DCPH1: variants seen among roughly 807,000 people sequenced by gnomAD.
DCPH1 encodes the protein damage control phosphatase 1.
chr6:151,467,495 C>A, the DCPH1 span, among the ~76,000 whole-genome samples: 1 of 151,954 alleles, frequency 6.6e-6, no homozygotes, highest in Non-Finnish European at 1.5e-5. Flanking sequence ...TTGAGTACTT[C>A]TATATGCCAG....
the DCPH1 span, among the ~76,000 whole-genome samples, chr6:151,453,361 A>G: frequency 1.3e-5 from 2 of 152,378 alleles, no homozygotes; most frequent in South Asian, 4.1e-4. Flanking sequence ...CAATTAAAGT[A>G]AAATCTCAAA....
At chr6:151,468,427 G>T in the DCPH1 span, 2 of 1,608,350 alleles carry the variant, frequency 1.2e-6, no homozygotes, top group Non-Finnish European at 8.5e-7. Flanking sequence ...AAATTCATTG[G>T]AAGACCTAAA....
chr6:151,461,455 G>A, the DCPH1 span, among the ~76,000 whole-genome samples: 2 of 152,154 alleles, frequency 1.3e-5, no homozygotes, highest in Non-Finnish European at 2.9e-5. Context: ...TGGATCTCCC[G>A]AGGTCAGGAG....
At chr6:151,469,351 GC>G in the DCPH1 span, 1 of 384,256 alleles carries the variant, frequency 2.6e-6, no homozygotes, top group Non-Finnish European at 4.6e-6. Context: ...TGGAATTTTA[GC>G]AACTTTTTTT....
At chr6:151,468,588 CTTG>C in the DCPH1 span, 24 of 1,613,976 alleles carry the variant, frequency 1.5e-5, no homozygotes, top group African/African-American at 4.0e-5. Flanking sequence ...TAGCCGACTT[CTTG>C]TTGTCCTCTG....
At chr6:151,467,177 G>A in the DCPH1 span, among the ~76,000 whole-genome samples, 11 of 151,682 alleles carry the variant, frequency 7.3e-5, no homozygotes, top group East Asian at 3.9e-4. Flanking sequence ...GCTTGAACCC[G>A]TGAGGCAGAG....
At chr6:151,461,851 G>A in the DCPH1 span, among the ~76,000 whole-genome samples, 1 of 152,192 alleles carries the variant, frequency 6.6e-6, no homozygotes, top group African/African-American at 2.4e-5. Context: ...TTAAGTTCAA[G>A]AAACTAGAAT....
At chr6:151,460,011 T>C in the DCPH1 span, among the ~76,000 whole-genome samples, 6 of 152,198 alleles carry the variant, frequency 3.9e-5, no homozygotes, top group Non-Finnish European at 8.8e-5. Flanking sequence ...AACTTTAAAA[T>C]CTGTTCATTA....
the DCPH1 span, among the ~76,000 whole-genome samples, chr6:151,455,224 GCC>G: frequency 1.6e-4 from 24 of 152,330 alleles, no homozygotes; most frequent in African/African-American, 5.5e-4. Flanking sequence ...GGGGTGGGTT[GCC>G]CCTCCACACC....
chr6:151,454,553 T>G, the DCPH1 span: 1 of 1,432,398 alleles, frequency 7.0e-7, no homozygotes, highest in South Asian at 1.2e-5. Flanking sequence ...TCTAGATCAT[T>G]TGCATATCTT....
the DCPH1 span, among the ~76,000 whole-genome samples, chr6:151,457,087 A>T: frequency 6.6e-6 from 1 of 152,016 alleles, no homozygotes; most frequent in African/African-American, 2.4e-5. Context: ...CTTGGGCCTC[A>T]TGTGTTCTAG....
At chr6:151,465,271 G>C in the DCPH1 span, among the ~76,000 whole-genome samples, 1 of 152,194 alleles carries the variant, frequency 6.6e-6, no homozygotes, top group South Asian at 2.1e-4. Flanking sequence ...GAACTATTAG[G>C]AGACGTGGTA....
the DCPH1 span, chr6:151,468,339 TCAGA>T: frequency 1.3e-6 from 2 of 1,529,506 alleles, no homozygotes; most frequent in Admixed American, 2.3e-5. Context: ...TTTTTCTTTT[TCAGA>T]TTTCACTGTG....
chr6:151,456,507 G>C, the DCPH1 span, among the ~76,000 whole-genome samples: 2 of 152,168 alleles, frequency 1.3e-5, no homozygotes, highest in African/African-American at 4.8e-5. Context: ...CAATTATATT[G>C]CTGAATGGTT....
At chr6:151,468,003 A>G in the DCPH1 span, among the ~76,000 whole-genome samples, 4 of 152,250 alleles carry the variant, frequency 2.6e-5, no homozygotes, top group Admixed American at 2.6e-4. Flanking sequence ...TATATGGGCA[A>G]CTTTGAGCCT....
the DCPH1 span, chr6:151,458,716 T>A: frequency 1.6e-6 from 1 of 620,978 alleles, no homozygotes; most frequent in Non-Finnish European, 2.8e-6. Context: ...GTTGGACATT[T>A]CTACAAATGT....
the DCPH1 span, among the ~76,000 whole-genome samples, chr6:151,456,891 T>C: frequency 0.11 from 16,379 of 152,272 alleles, 906 homozygotes; most frequent in Middle Eastern, 0.18. Context: ...TCCTAGTATA[T>C]TGCTACTTGG....
the DCPH1 span, among the ~76,000 whole-genome samples, chr6:151,467,260 A>G: frequency 2.0e-5 from 3 of 151,814 alleles, no homozygotes; most frequent in African/African-American, 7.3e-5. Context: ...AAAAAAAAAA[A>G]AAACAAAACC....
the DCPH1 span, chr6:151,452,655 A>AGCGGAGGGCGCCCGCTCC: frequency 3.1e-5 from 46 of 1,462,802 alleles, no homozygotes; most frequent in African/African-American, 6.3e-4. Flanking sequence ...GTGGGGACTA[A>AGCGGAGGGCGCCCGCTCC]GCGGAGGGCG....
Sources: allele counts gnomAD v4.1 joint callset (sites outside exome capture counted in the v4.1 genomes callset), GRCh38; gene constraint gnomAD v4.1.1; transcripts MANE v1.5; gene names NCBI Gene and HGNC (gene_info 2026-07-23, HGNC 2026-07-21).